The following SHOX variants were observed in gnomAD, a reference collection of about 807,000 sequenced individuals.
SHOX encodes SHOX homeobox.
SHOX carries 12 observed loss-of-function variants against 29.6 expected under a neutral mutation model. That is an observed-to-expected ratio of 0.41 (90% CI 0.26 to 0.66). The LOEUF is 0.66. Among genes scored for constraint, SHOX ranks in the 30% least tolerant of loss-of-function variants. SHOX has a pLI of 0.35. For synonymous variants in SHOX, 214 were observed against 200.6 expected, an observed-to-expected ratio of 1.07 and a Z score of -0.57; for missense variants, 499 against 437.7, an observed-to-expected ratio of 1.14 and a Z score of -1.25.
At position 649,102 on chromosome X, in the gene SHOX, A is replaced by G. The variant is rs144171247; in HGVS notation, c.*4466A>G. Among the ~76,000 whole-genome samples, 5 of 150,196 alleles carry G rather than the reference A, an allele frequency of 3.3e-5. No homozygotes were observed. Among genetic ancestry groups the G allele is most frequent in the African/African-American group, 1.2e-4 (5 of 40,764 alleles). Reference sequence around the variant, plus strand: ...ACCCAGGCTGGAGTGCAGTGGTGCAATCCCAGCTCACTGCATCCTCTACCT... The same window carrying G: ...ACCCAGGCTGGAGTGCAGTGGTGCAGTCCCAGCTCACTGCATCCTCTACCT... On this transcript the variant is annotated 3_prime_UTR_variant, in exon 5 of 5. Transcript: ENST00000686671.
chrX:640,621 A>C (rs1183949934), intron 2 of SHOX, among the ~76,000 whole-genome samples, 200 bp from the exon 3 acceptor site: 3 of 151,978 alleles, frequency 2.0e-5, no homozygotes, highest in Non-Finnish European at 4.4e-5. Flanking sequence ...ATCCAAAAAA[A>C]CCCCAATTTC....
downstream of SHOX, among the ~76,000 whole-genome samples, chrX:655,021 T>C (rs897226839): frequency 6.6e-6 from 1 of 151,546 alleles, no homozygotes; most frequent in Non-Finnish European, 1.5e-5. Context: ...AGGTGGAGGC[T>C]GCAGGAAGCC....
chrX:651,672 C>T (rs2053066995), downstream of SHOX, among the ~76,000 whole-genome samples: 1 of 146,712 alleles, frequency 6.8e-6, no homozygotes, highest in Non-Finnish European at 1.5e-5. Context: ...AATCCTGAGT[C>T]GGCCGTGGCT....
At chrX:636,723 TAAA>T (rs1556463603) in intron 2 of SHOX, among the ~76,000 whole-genome samples, 1 of 9,848 alleles carries the variant, frequency 1.0e-4, no homozygotes, top group Non-Finnish European at 2.3e-4. Context: ...TATATATACA[TAAA>T]ATATATATAT....
At position 644,919 on chromosome X, in the gene SHOX, A is replaced by AAG. The variant is rs369390009; in HGVS notation, c.*284_*285dup. On this transcript the variant is annotated 3_prime_UTR_variant, in exon 5 of 5. Coordinates refer to ENST00000686671, the MANE Select transcript of SHOX (RefSeq NM_000451.4). ...GCCCGTGCGTCCTGGGACCCTGGAG[A>AAG]AGGGTAAACCCCCGCCTGGCTGCGT... 0.17 allele frequency: 73,400 copies of AAG among 432,518 alleles called. 6,669 individuals are homozygous for AAG. The highest frequency in any genetic ancestry group is 0.24 in the Middle Eastern group (397 of 1,666). The allele number at this position is 432,518 out of a possible 1,614,324, so 26.8% of individuals were successfully genotyped here.
chrX:651,412 G>C lies in SHOX; in HGVS notation c.*6776G>C, dbSNP rs757937938. 5.4e-6 allele frequency: 1 copy of C among 186,784 alleles called. No homozygotes were observed. Among genetic ancestry groups the C allele is most frequent in the South Asian group, 2.6e-5 (1 of 38,324 alleles). The allele number at this position is 186,784 out of a possible 1,614,324, so 11.6% of individuals were successfully genotyped here. On this transcript the variant is annotated 3_prime_UTR_variant, in exon 5 of 5. Transcript: ENST00000686671. ...TAGAAAAAAAACAAACAAACAAACA[G>C]AAAAAAAAACCAAAAAAAACCACCC...
chrX:638,596 C>G (rs772202636), intron 2 of SHOX, among the ~76,000 whole-genome samples: 2 of 152,246 alleles, frequency 1.3e-5, no homozygotes. Context: ...CACTGCAGCC[C>G]GGTAGGACCC....
At chrX:653,935 G>T (rs1238537714), downstream of SHOX, among the ~76,000 whole-genome samples, 10 of 151,934 alleles carry the variant, frequency 6.6e-5, no homozygotes, top group Non-Finnish European at 1.3e-4. Context: ...AAAAAAAGTT[G>T]TTTTAAACTT....
intron 2 of SHOX, among the ~76,000 whole-genome samples, chrX:640,248 G>C (rs1251251917): frequency 6.6e-6 from 1 of 152,070 alleles, no homozygotes; most frequent in Non-Finnish European, 1.5e-5. Context: ...GGGAAGCTGA[G>C]GCTGGAGAAT....
At position 649,510 on chromosome X, in the gene SHOX, G is replaced by T. The variant is rs1291636879; in HGVS notation, c.*4874G>T. On this transcript the variant is annotated 3_prime_UTR_variant, in exon 5 of 5. Transcript: ENST00000686671. Reference sequence around the variant, plus strand: ...AGGAGGTGAGAAATTGAATTTATGGGGTGGGTGTACGCTGGCGATTCTTGG... The same window carrying T: ...AGGAGGTGAGAAATTGAATTTATGGTGTGGGTGTACGCTGGCGATTCTTGG... Among the ~76,000 whole-genome samples, 2 of 152,164 alleles carry T rather than the reference G, an allele frequency of 1.3e-5. No individual in the cohort carries two copies. The highest frequency in any genetic ancestry group is 4.8e-5 in the African/African-American group (2 of 41,442).
chrX:655,578 CT>C, downstream of SHOX, among the ~76,000 whole-genome samples: 1 of 62,170 alleles, frequency 1.6e-5, no homozygotes, highest in South Asian at 9.3e-4. Flanking sequence ...GTCTCTCTCT[CT>C]CTCTCTCTCT....
At chrX:658,995 C>A (rs769017771) in exon 6 of SHOX, 127 of 165,270 alleles carry the variant, frequency 7.7e-4, no homozygotes, top group Admixed American at 1.9e-3. Flanking sequence ...GAACTCCTGA[C>A]CTCAGGTGAT....
rs1423924611 is a variant in SHOX at position 646,161 on chromosome X, G to C, written c.*1525G>C. 1 of 152,034 alleles carries C rather than the reference G, an allele frequency of 6.6e-6. No individual in the cohort carries two copies. Among genetic ancestry groups the C allele is most frequent in the Non-Finnish European group, 1.5e-5 (1 of 68,056 alleles). The allele number at this position is 152,034 out of a possible 1,614,324, so 9.4% of individuals were successfully genotyped here. A position where few individuals can be genotyped will look rare whatever the true frequency, so the allele number is the denominator to read the frequency against. On this transcript the variant is annotated 3_prime_UTR_variant, in exon 5 of 5. Coordinates refer to ENST00000686671, the MANE Select transcript of SHOX (RefSeq NM_000451.4). ...GATCTGCCCGCCTCGGCCTCCCAAC[G>C]TGCCCCCAGTTTTATAAACAGCAGA...
intron 5 of SHOX, among the ~76,000 whole-genome samples, chrX:657,969 G>C (rs2053169761): frequency 6.6e-6 from 1 of 151,252 alleles, no homozygotes; most frequent in African/African-American, 2.4e-5. Flanking sequence ...TCTCCAGGTG[G>C]TCTCTCTCTC....
rs368925113 is a variant in SHOX, at chrX:631,158, C to T, written c.261C>T (p.Thr87=). 2 of 1,612,892 alleles carry T rather than the reference C, an allele frequency of 1.2e-6. No individual in the cohort carries two copies. The highest frequency in any genetic ancestry group is 1.1e-5 in the South Asian group (1 of 91,066). The change falls in exon 1 of 5, where the codon ACC becomes ACT. Residue 87 remains threonine, a synonymous_variant. Transcript: ENST00000686671. ...NDKEKLKEFG[T]ARVAEGIYEC... is the part of the protein sequence containing the mutation. ...AGGAGAAACTGAAAGAATTCGGCAC[C>T]GCGAGAGTGGCAGAAGGTAAGTTCC...
chrX:646,818 G>C lies in SHOX; in HGVS notation c.*2182G>C, dbSNP rs2052974177. The C allele has an allele frequency of 6.6e-6, 1 of 151,910 alleles. No individual in the cohort carries two copies. Among genetic ancestry groups the C allele is most frequent in the Admixed American group, 6.6e-5 (1 of 15,250 alleles). The allele number at this position is 151,910 out of a possible 1,614,324, so 9.4% of individuals were successfully genotyped here. On this transcript the variant is annotated 3_prime_UTR_variant, in exon 5 of 5. Transcript: ENST00000686671. ...ATTAAAAAAAAAAAAGAGAGAGAGA[G>C]GCTTTAATAGTTAAGCTGAAATTTT...
chrX:651,471 C>T lies in SHOX; in HGVS notation c.*6835C>T, dbSNP rs1296215187. ...TCTGGTGACGCCCTCATTCTCCTAA[C>T]GTTCAATAATCTCAATGTTGAGTTG... On this transcript the variant is annotated 3_prime_UTR_variant, in exon 5 of 5. Coordinates refer to ENST00000686671, the MANE Select transcript of SHOX (RefSeq NM_000451.4). 2.2e-6 allele frequency: 1 copy of T among 445,342 alleles called. No individual in the cohort carries two copies. Among genetic ancestry groups the T allele is most frequent in the East Asian group, 7.0e-5 (1 of 14,312 alleles). 27.6% of individuals were successfully genotyped at this position (445,342 alleles called of 1,614,324 possible).
intron 4 of SHOX, among the ~76,000 whole-genome samples, chrX:642,986 T>C (rs1198648105): frequency 8.8e-4 from 84 of 95,656 alleles, no homozygotes; most frequent in East Asian, 1.7e-3. Flanking sequence ...GACCTGGTGT[T>C]CTGGGAGAGG....
rs745571797 is a variant in SHOX at position 634,841 on chromosome X, G to T, written c.486+15G>T. The T allele has an allele frequency of 1.6e-5, 25 of 1,549,648 alleles. No homozygotes were observed. The South Asian group carries it at 2.0e-4, about 12-fold the overall frequency. On this transcript the variant is annotated intron_variant, in intron 2 of 4. Transcript: ENST00000686671. The stretch of plus-strand genomic sequence containing the variant: ...CGCGCGTGCAGGTAGGAACCCGGGG[G>T]CGGGGGCGGGGGGCCCGGAGCCATC...
Sources: allele counts gnomAD v4.1 joint callset (sites outside exome capture counted in the v4.1 genomes callset), GRCh38; gene constraint gnomAD v4.1.1; transcripts MANE v1.5; gene names NCBI Gene and HGNC (gene_info 2026-07-23, HGNC 2026-07-21).